Variants in RETREG1 observed in about 807,000 individuals in gnomAD.
The protein encoded by RETREG1 is reticulophagy regulator 1.
In RETREG1, 44 loss-of-function variants were observed where a neutral mutation model predicts 54.8. The observed-to-expected ratio is 0.80, with a 90% CI of 0.63 to 1.03. The LOEUF is 1.03. Ranked by LOEUF, RETREG1 falls within the 50% of genes least tolerant of loss-of-function variation. The pLI is 0.00. For missense variants in RETREG1, 554 were observed against 605.1 expected, an observed-to-expected ratio of 0.92 and a Z score of 0.89; for synonymous variants, 217 against 238.5, an observed-to-expected ratio of 0.91 and a Z score of 0.83.
chr5:16,562,868 T>C (rs762795158), intron 3 of RETREG1, among the ~76,000 whole-genome samples: 1 of 151,954 alleles, frequency 6.6e-6, no homozygotes, highest in Non-Finnish European at 1.5e-5. Flanking sequence ...AACACAAAAG[T>C]GACATTAGGT....
At chr5:16,517,148 A>G (rs1740385163) in intron 3 of RETREG1, among the ~76,000 whole-genome samples, 1 of 150,484 alleles carries the variant, frequency 6.6e-6, no homozygotes, top group South Asian at 2.1e-4. Flanking sequence ...AGGAAGATAT[A>G]TCTAATAGGA....
chr5:16,561,354 G>A lies in RETREG1; in HGVS notation c.458+4409C>T, dbSNP rs180786723. On this transcript the variant is annotated intron_variant, in intron 3 of 8. Transcript: ENST00000306320. The surrounding 1 kb of genome is among the most constrained non-coding windows in gnomAD (Gnocchi z 4.2). ...CTACTAAAAATACAAAAAATTAGCTGGGCATGGTGGTGGGCACCTGTAGTC... is the reference window on the plus strand; with the variant it reads ...CTACTAAAAATACAAAAAATTAGCTAGGCATGGTGGTGGGCACCTGTAGTC... Among the ~76,000 whole-genome samples the A allele has an allele frequency of 0.023, 3,447 of 151,984 alleles. 119 individuals are homozygous for A. The highest frequency in any genetic ancestry group is 0.079 in the African/African-American group (3,258 of 41,426).
chr5:16,586,448 C>G (rs914454470), intron 1 of RETREG1, among the ~76,000 whole-genome samples: 1 of 152,120 alleles, frequency 6.6e-6, no homozygotes, highest in African/African-American at 2.4e-5. Context: ...GCCTCATCAT[C>G]ATCAGAATTA....
chr5:16,583,472 G>A (rs12657003), intron 1 of RETREG1, among the ~76,000 whole-genome samples: 53,086 of 151,932 alleles, frequency 0.35, 10,508 homozygotes, highest in Non-Finnish European at 0.45. Flanking sequence ...CAGCCTGGAC[G>A]ATGGAGCGAG....
intron 3 of RETREG1, among the ~76,000 whole-genome samples, chr5:16,491,810 C>T (rs1739256700): frequency 6.6e-6 from 1 of 152,030 alleles, no homozygotes; most frequent in Admixed American, 6.6e-5. Context: ...ATCCCTTGAT[C>T]CCCAGAGTTC....
chr5:16,568,109 A>T (rs1405580708), intron 2 of RETREG1, among the ~76,000 whole-genome samples: 1 of 152,166 alleles, frequency 6.6e-6, no homozygotes, highest in Non-Finnish European at 1.5e-5. Flanking sequence ...CAGAGTTCAG[A>T]CAAAGGCATT....
At chr5:16,516,778 A>AT (rs1249915054) in intron 3 of RETREG1, among the ~76,000 whole-genome samples, 5 of 151,984 alleles carry the variant, frequency 3.3e-5, no homozygotes, top group Non-Finnish European at 7.4e-5. Flanking sequence ...ACAAAAAAAA[A>AT]AATCTAACAA....
At chr5:16,527,854 G>A (rs1391234574) in intron 3 of RETREG1, among the ~76,000 whole-genome samples, 31 of 118,298 alleles carry the variant, frequency 2.6e-4, no homozygotes, top group African/African-American at 1.0e-3. Flanking sequence ...CCGTCGCCCA[G>A]ATTGGACTGC....
chr5:16,537,078 G>A (rs967534734), intron 3 of RETREG1, among the ~76,000 whole-genome samples: 5 of 152,152 alleles, frequency 3.3e-5, no homozygotes, highest in Non-Finnish European at 5.9e-5. Flanking sequence ...TGACCAAGAC[G>A]AGGGTCTGTG....
At chr5:16,523,405 T>G (rs11749609) in intron 3 of RETREG1, among the ~76,000 whole-genome samples, 359 of 152,232 alleles carry the variant, frequency 2.4e-3, no homozygotes, top group South Asian at 0.012. Flanking sequence ...GAGGAGTGTT[T>G]TGTAGAGATG....
chr5:16,544,684 T>C (rs1241869616), intron 3 of RETREG1, among the ~76,000 whole-genome samples: 1 of 152,234 alleles, frequency 6.6e-6, no homozygotes, highest in African/African-American at 2.4e-5. Flanking sequence ...GATCCATCCT[T>C]TTACCAATGA....
intron 3 of RETREG1, among the ~76,000 whole-genome samples, chr5:16,544,913 A>G (rs1159013627): frequency 6.6e-6 from 1 of 152,222 alleles, no homozygotes; most frequent in East Asian, 1.9e-4. Context: ...GGGCCACATT[A>G]TCTCCTAAGG....
chr5:16,490,188 A>G (rs1181397670), intron 3 of RETREG1, among the ~76,000 whole-genome samples: 1 of 152,184 alleles, frequency 6.6e-6, no homozygotes, highest in Non-Finnish European at 1.5e-5. Flanking sequence ...CCAAAAGGCA[A>G]GGTGCAAAGC....
chr5:16,528,521 A>G (rs1179155614), intron 3 of RETREG1, among the ~76,000 whole-genome samples: 4 of 152,132 alleles, frequency 2.6e-5, no homozygotes, highest in Non-Finnish European at 4.4e-5. Context: ...CAGTCTCTTC[A>G]GGAGCAAAAG....
chr5:16,613,310 A>C (rs1743401812), intron 1 of RETREG1, among the ~76,000 whole-genome samples: 1 of 152,208 alleles, frequency 6.6e-6, no homozygotes. Flanking sequence ...TGTATTCCTC[A>C]GGGTTAGAAT....
intron 1 of RETREG1, among the ~76,000 whole-genome samples, chr5:16,604,228 C>T (rs191170458): frequency 5.9e-5 from 9 of 152,122 alleles, no homozygotes; most frequent in Non-Finnish European, 8.8e-5. Flanking sequence ...CTTATTGGGG[C>T]GGGGTGGGGA....
At chr5:16,486,063 A>G (rs1365461793) in intron 3 of RETREG1, among the ~76,000 whole-genome samples, 1 of 152,170 alleles carries the variant, frequency 6.6e-6, no homozygotes, top group Non-Finnish European at 1.5e-5. Flanking sequence ...GGGACAATAA[A>G]TTTCATCATT....
chr5:16,596,227 T>C (rs150882083), intron 1 of RETREG1, among the ~76,000 whole-genome samples: 32 of 152,334 alleles, frequency 2.1e-4, no homozygotes, highest in African/African-American at 7.7e-4. Context: ...TCAGAGCTGG[T>C]GCAACTTGAT....
intron 1 of RETREG1, among the ~76,000 whole-genome samples, chr5:16,606,357 ACT>A (rs1183093214): frequency 6.6e-6 from 1 of 151,058 alleles, no homozygotes. Flanking sequence ...TCTCCCCAAC[ACT>A]CTCCCCCAGC....
Sources: allele counts gnomAD v4.1 joint callset (sites outside exome capture counted in the v4.1 genomes callset), GRCh38; gene constraint gnomAD v4.1.1; non-coding constraint Gnocchi (gnomAD v3.1); transcripts MANE v1.5; gene names NCBI Gene and HGNC (gene_info 2026-07-23, HGNC 2026-07-21).